MAN1C1: variants seen among roughly 807,000 people sequenced by gnomAD.
MAN1C1 encodes mannosidase alpha class 1C member 1.
MAN1C1 carries 49 observed loss-of-function variants against 71.5 expected under a neutral mutation model. That is an observed-to-expected ratio of 0.69 (90% CI 0.54 to 0.87). The LOEUF is 0.87. Ranked by LOEUF, MAN1C1 falls within the 40% of genes least tolerant of loss-of-function variation. The pLI, the probability that MAN1C1 is intolerant of heterozygous loss-of-function variation, is 0.00. For synonymous variants in MAN1C1, 352 were observed against 343.7 expected (o/e 1.02, Z -0.27); for missense variants, 743 against 835.0 (o/e 0.89, Z 1.36).
intron 1 of MAN1C1, among the ~76,000 whole-genome samples, chr1:25,681,536 G>C (rs1472161218): frequency 6.6e-6 from 1 of 152,202 alleles, no homozygotes; most frequent in Non-Finnish European, 1.5e-5. Context: ...GTTAGAGACT[G>C]ATAGGAGCAC....
chr1:25,731,324 A>G (rs550678916), intron 2 of MAN1C1, among the ~76,000 whole-genome samples: 2 of 146,216 alleles, frequency 1.4e-5, no homozygotes, highest in African/African-American at 2.8e-5. Context: ...AATAACAATA[A>G]TCATCATCAT....
chr1:25,634,255 G>C lies in MAN1C1; in HGVS notation c.540+15918G>C, dbSNP rs543032674. Reference sequence around the variant, plus strand: ...TTCATTGCGCTGACTGGGACTTCCAGTTCAATGTTAAAAAGAAGTAGTGAG... The same window carrying C: ...TTCATTGCGCTGACTGGGACTTCCACTTCAATGTTAAAAAGAAGTAGTGAG... On this transcript the variant is annotated intron_variant, in intron 1 of 11. Coordinates refer to ENST00000374332, the MANE Select transcript of MAN1C1 (RefSeq NM_020379.4). This position sits in a 1 kb window ranked among gnomAD's most constrained non-coding sequence, Gnocchi z 4.6. 1.5e-4 allele frequency among the ~76,000 whole-genome samples: 23 copies of C among 152,168 alleles called. No individual in the cohort carries two copies. In the South Asian group the frequency reaches 4.8e-3, roughly 32 times the overall value.
chr1:25,622,819 CT>C (rs1557737114), intron 1 of MAN1C1, among the ~76,000 whole-genome samples: 1 of 152,204 alleles, frequency 6.6e-6, no homozygotes, highest in African/African-American at 2.4e-5. Context: ...GGCAAATGAT[CT>C]TTGCTCCCCA....
At position 25,725,944 on chromosome 1, in the gene MAN1C1, A is replaced by G. The variant is rs2046825315; in HGVS notation, c.638-20724A>G. Reference sequence around the variant, plus strand: ...GAGCTGAGTGTGGCTGTGGCATGAAATGAAAGGTGAGGCTTTCATCTGAGT... The same window carrying G: ...GAGCTGAGTGTGGCTGTGGCATGAAGTGAAAGGTGAGGCTTTCATCTGAGT... On this transcript the variant is annotated intron_variant, in intron 2 of 11. Coordinates refer to ENST00000374332, the MANE Select transcript of MAN1C1 (RefSeq NM_020379.4). This position sits in a 1 kb window ranked among gnomAD's most constrained non-coding sequence, Gnocchi z 4.8. Among the ~76,000 whole-genome samples, 1 of 152,226 alleles carries G rather than the reference A, an allele frequency of 6.6e-6. No homozygotes were observed.
chr1:25,696,204 T>G (rs576856237), intron 2 of MAN1C1, among the ~76,000 whole-genome samples: 5 of 152,346 alleles, frequency 3.3e-5, no homozygotes, highest in Admixed American at 6.5e-5. Context: ...TCTCACCGCA[T>G]TGATGGCAGC....
rs1485440973 is a variant in MAN1C1, at chr1:25,617,733, TCACCGCG to T, written c.-63_-57del. On this transcript the variant is annotated 5_prime_UTR_variant, in exon 1 of 12. Coordinates refer to ENST00000374332, the MANE Select transcript of MAN1C1 (RefSeq NM_020379.4). The surrounding 1 kb of genome is among the most constrained non-coding windows in gnomAD (Gnocchi z 5.1). ...GGGCGGCGCTCCGGACGCCCTCCCC[TCACCGCG>T]CCCCCGCAGACACGTGCCTGGACTC... The T allele has an allele frequency of 2.7e-6, 4 of 1,470,170 alleles. No homozygotes were observed. Among genetic ancestry groups the T allele is most frequent in the East Asian group, 5.6e-5 (2 of 35,786 alleles). The allele number at this position is 1,470,170 out of a possible 1,614,324, so 91.1% of individuals were successfully genotyped here.
intron 1 of MAN1C1, among the ~76,000 whole-genome samples, chr1:25,641,744 G>A (rs1348881158): frequency 6.6e-6 from 1 of 152,180 alleles, no homozygotes; most frequent in Non-Finnish European, 1.5e-5. Flanking sequence ...TATGGAAGAG[G>A]TTGGAAATTT....
chr1:25,730,447 G>C lies in MAN1C1; in HGVS notation c.638-16221G>C, dbSNP rs1214686294. Among the ~76,000 whole-genome samples, 1 of 151,194 alleles carries C rather than the reference G, an allele frequency of 6.6e-6. No homozygotes were observed. Among genetic ancestry groups the C allele is most frequent in the African/African-American group, 2.4e-5 (1 of 40,972 alleles). On this transcript the variant is annotated intron_variant, in intron 2 of 11. Coordinates refer to ENST00000374332, the MANE Select transcript of MAN1C1 (RefSeq NM_020379.4). The surrounding 1 kb of genome is among the most constrained non-coding windows in gnomAD (Gnocchi z 4.3). ...TTCTCAGCCATCCTCGAAAACCTTA[G>C]CTGAGAATGACAAATACTAGGGGCT...
At chr1:25,737,131 G>T (rs2046992986) in intron 2 of MAN1C1, among the ~76,000 whole-genome samples, 2 of 152,200 alleles carry the variant, frequency 1.3e-5, no homozygotes, top group Admixed American at 1.3e-4. Context: ...TTAAACACAG[G>T]TTTCCAGATC....
In MAN1C1 at chr1:25,712,053, A is replaced by T. The variant is rs150573852; in HGVS notation, c.637+25517A>T. Reference sequence around the variant, plus strand: ...CTGGGTGAGTTTAGGAAAGTCCAGCAGGGCCACCTACTTATTTTGCAGTCA... The same window carrying T: ...CTGGGTGAGTTTAGGAAAGTCCAGCTGGGCCACCTACTTATTTTGCAGTCA... On this transcript the variant is annotated intron_variant, in intron 2 of 11. Coordinates refer to ENST00000374332, the MANE Select transcript of MAN1C1 (RefSeq NM_020379.4). 1.4e-4 allele frequency among the ~76,000 whole-genome samples: 21 copies of T among 152,290 alleles called. No homozygotes were observed. The East Asian group carries it at 3.5e-3, about 25-fold the overall frequency.
intron 7 of MAN1C1, among the ~76,000 whole-genome samples, chr1:25,765,555 C>G (rs2047416526): frequency 6.6e-6 from 1 of 152,224 alleles, no homozygotes; most frequent in Non-Finnish European, 1.5e-5. Flanking sequence ...CACTGTATCT[C>G]TTTGAACCTT....
chr1:25,703,784 A>G (rs1365727411), intron 2 of MAN1C1, among the ~76,000 whole-genome samples: 3 of 152,188 alleles, frequency 2.0e-5, no homozygotes, highest in African/African-American at 7.2e-5. Flanking sequence ...CCTACCTTCA[A>G]GGTATCACAG....
chr1:25,736,268 T>G (rs1384422838), intron 2 of MAN1C1, among the ~76,000 whole-genome samples: 1 of 152,114 alleles, frequency 6.6e-6, no homozygotes, highest in East Asian at 1.9e-4. Flanking sequence ...GGCACAAAGG[T>G]AGTACCTTCT....
rs370559444 is a variant in MAN1C1, at chr1:25,735,239, G to A, written c.638-11429G>A. On this transcript the variant is annotated intron_variant, in intron 2 of 11. Transcript: ENST00000374332. This position sits in a 1 kb window ranked among gnomAD's most constrained non-coding sequence, Gnocchi z 4.6. ...TTGAGACAAGCCTGGCCAACATGGCGAATCCCCACCTCTGCCAAAAACACA... is the reference window on the plus strand; with the variant it reads ...TTGAGACAAGCCTGGCCAACATGGCAAATCCCCACCTCTGCCAAAAACACA... Among the ~76,000 whole-genome samples the A allele has an allele frequency of 2.8e-4, 42 of 152,250 alleles. No homozygotes were observed. In the East Asian group the frequency reaches 3.3e-3, roughly 12 times the overall value.
In MAN1C1 at chr1:25,769,315, G is replaced by A. The variant is rs552892088; in HGVS notation, c.1142-2342G>A. On this transcript the variant is annotated intron_variant, in intron 7 of 11. Transcript: ENST00000374332. This position sits in a 1 kb window ranked among gnomAD's most constrained non-coding sequence, Gnocchi z 4.8. ...CCCATACCCCTCAGCACACACACAC[G>A]CCCCCATACACCTACATACACCACA... 4.1e-5 allele frequency among the ~76,000 whole-genome samples: 6 copies of A among 147,510 alleles called. No homozygotes were observed. Among genetic ancestry groups the A allele is most frequent in the Non-Finnish European group, 9.0e-5 (6 of 66,768 alleles).
intron 1 of MAN1C1, among the ~76,000 whole-genome samples, chr1:25,627,899 C>T (rs886410975): frequency 6.6e-6 from 1 of 151,436 alleles, no homozygotes; most frequent in African/African-American, 2.4e-5. Context: ...AAAAATTATC[C>T]AGGCATGATG....
rs2047521217 is a variant in MAN1C1 at position 25,769,774 on chromosome 1, G to A, written c.1142-1883G>A. Among the ~76,000 whole-genome samples the A allele has an allele frequency of 6.6e-6, 1 of 152,238 alleles. No homozygotes were observed. The highest frequency in any genetic ancestry group is 2.4e-5 in the African/African-American group (1 of 41,472). On this transcript the variant is annotated intron_variant, in intron 7 of 11. Coordinates refer to ENST00000374332, the MANE Select transcript of MAN1C1 (RefSeq NM_020379.4). This position sits in a 1 kb window ranked among gnomAD's most constrained non-coding sequence, Gnocchi z 4.8. The stretch of plus-strand genomic sequence containing the variant: ...AAAGAGCCCACGAGCTAGTGAGGGA[G>A]GCAGACCCGTACGCAGGCACTCATC...
At chr1:25,768,001 T>C (rs1361456252) in intron 7 of MAN1C1, among the ~76,000 whole-genome samples, 10 of 25,300 alleles carry the variant, frequency 4.0e-4, no homozygotes, top group Admixed American at 5.6e-4. Context: ...TTACATACAC[T>C]CCCCCACACA....
chr1:25,637,574 G>T (rs1195267062), intron 1 of MAN1C1, among the ~76,000 whole-genome samples: 1 of 151,830 alleles, frequency 6.6e-6, no homozygotes, highest in East Asian at 1.9e-4. Flanking sequence ...AGGTCAGATA[G>T]GTTGATAGTG....
Sources: gnomAD v4.1 joint callset for allele counts (sites outside exome capture counted in the v4.1 genomes callset) on GRCh38, gnomAD v4.1.1 for gene constraint, Gnocchi (gnomAD v3.1) non-coding constraint, MANE v1.5 for transcripts, NCBI Gene and HGNC (gene_info 2026-07-23, HGNC 2026-07-21) for gene names.